Variants in MBD5 observed in about 807,000 individuals in gnomAD.
MBD5 encodes methyl-CpG-binding domain protein 5.
Under a neutral mutation model 117.3 loss-of-function variants are expected in MBD5, and 13 were observed. The ratio of observed to expected loss-of-function variants is 0.11; its 90% confidence interval spans 0.07 to 0.18. The LOEUF is 0.18. MBD5 is among the 10% of genes least tolerant of loss of function. The pLI, the probability that MBD5 is intolerant of heterozygous loss-of-function variation, is 1.00. For synonymous variants in MBD5, 727 were observed against 766.4 expected, an observed-to-expected ratio of 0.95 and a Z score of 0.85; for missense variants, 1,879 against 2,093.8, an observed-to-expected ratio of 0.90 and a Z score of 2.00.
At chr2:148,287,150 G>T (rs1243011450) in intron 3 of MBD5, among the ~76,000 whole-genome samples, 2 of 151,928 alleles carry the variant, frequency 1.3e-5, no homozygotes, top group African/African-American at 4.8e-5. Context: ...CATGATCCTT[G>T]CTTATTTTCT....
chr2:148,507,586 C>G, intron 12 of MBD5, among the ~76,000 whole-genome samples: 1 of 150,592 alleles, frequency 6.6e-6, no homozygotes, highest in Non-Finnish European at 1.5e-5. Context: ...GGTGAAACCC[C>G]GTCTCTACTA....
At chr2:148,049,114 C>T (rs1694622864) in intron 1 of MBD5, among the ~76,000 whole-genome samples, 1 of 152,146 alleles carries the variant, frequency 6.6e-6, no homozygotes, top group South Asian at 2.1e-4. Flanking sequence ...CTGGGAGTTT[C>T]TGGTAACATG....
chr2:148,258,373 C>G (rs1174725948), intron 3 of MBD5, among the ~76,000 whole-genome samples: 1 of 152,120 alleles, frequency 6.6e-6, no homozygotes, highest in Non-Finnish European at 1.5e-5. Flanking sequence ...TCAATGTAAG[C>G]AGGTTTGCCC....
chr2:148,274,703 T>A (rs575694162), intron 3 of MBD5, among the ~76,000 whole-genome samples: 1 of 149,326 alleles, frequency 6.7e-6, no homozygotes, highest in Admixed American at 6.9e-5. Flanking sequence ...CTTTTACACT[T>A]AAAAATTAAT....
At chr2:148,511,403 G>A (rs865911891) in intron 13 of MBD5, among the ~76,000 whole-genome samples, 1 of 152,204 alleles carries the variant, frequency 6.6e-6, no homozygotes, top group African/African-American at 2.4e-5. Flanking sequence ...ATTTGGTCCT[G>A]GTGGAAATCA....
chr2:148,153,325 G>C (rs1387249832), intron 1 of MBD5, among the ~76,000 whole-genome samples: 2 of 152,052 alleles, frequency 1.3e-5, no homozygotes, highest in Non-Finnish European at 2.9e-5. Context: ...AGTCTGATGG[G>C]CTTCCCTTTG....
At chr2:148,304,390 C>G (rs1406442801) in intron 3 of MBD5, among the ~76,000 whole-genome samples, 2 of 152,118 alleles carry the variant, frequency 1.3e-5, no homozygotes, top group Non-Finnish European at 2.9e-5. Flanking sequence ...CAGTACTTAA[C>G]CAGCAGCAAA....
At chr2:148,033,726 A>G (rs1330374962) in intron 1 of MBD5, among the ~76,000 whole-genome samples, 2 of 152,214 alleles carry the variant, frequency 1.3e-5, no homozygotes, top group African/African-American at 4.8e-5. Flanking sequence ...AATTCTGCCA[A>G]TGCTTGAAGT....
chr2:148,402,516 C>A (rs1704954773), intron 4 of MBD5, among the ~76,000 whole-genome samples: 1 of 152,124 alleles, frequency 6.6e-6, no homozygotes, highest in African/African-American at 2.4e-5. Context: ...TAATTCCTCC[C>A]TCCTACTTCT....
intron 1 of MBD5, among the ~76,000 whole-genome samples, chr2:148,148,179 T>A (rs1697519267): frequency 1.3e-5 from 2 of 152,166 alleles, no homozygotes; most frequent in Admixed American, 6.5e-5. Flanking sequence ...TGAAGCCATG[T>A]CCTGAAAATG....
Position 148,463,850 on chromosome 2 carries a change from G to A in MBD5, c.328G>A (p.Ala110Thr), listed in dbSNP as rs1265044011. The A allele has an allele frequency of 5.0e-6, 8 of 1,613,718 alleles. No individual in the cohort carries two copies. The South Asian group carries it at 6.6e-5, about 13-fold the overall frequency. Residue 110 changes from alanine to threonine, a missense_variant, in exon 7 of 14, where the codon GCC (alanine) becomes ACC (threonine). By Grantham distance (58) the Ala-to-Thr change is moderately conservative. Coordinates refer to ENST00000642680, the MANE Select transcript of MBD5 (RefSeq NM_001378120.1). ...ACATAAAAGAAAAATTATTGCAGTG[G>A]CCACACTTCATAAAAGCATGGAAGC... Reference protein sequence around the residue: ...CIHKRKIIAVATLHKSMEAPH... With the variant: ...CIHKRKIIAVTTLHKSMEAPH...
intron 1 of MBD5, among the ~76,000 whole-genome samples, chr2:148,037,533 TAG>T (rs1013620730): frequency 2.3e-4 from 35 of 151,906 alleles, no homozygotes; most frequent in African/African-American, 8.2e-4. Context: ...ATGAGACAGT[TAG>T]AGACATCTTA....
At chr2:148,230,420 G>A (rs1699955245) in intron 2 of MBD5, among the ~76,000 whole-genome samples, 1 of 152,084 alleles carries the variant, frequency 6.6e-6, no homozygotes, top group South Asian at 2.1e-4. Flanking sequence ...ATGCTGCCTG[G>A]CCTAATACTC....
intron 1 of MBD5, among the ~76,000 whole-genome samples, chr2:148,067,224 C>T (rs919017240): frequency 6.6e-6 from 1 of 152,142 alleles, no homozygotes; most frequent in Non-Finnish European, 1.5e-5. Flanking sequence ...CACTCTGAAC[C>T]ACACGCTATA....
chr2:148,334,499 C>T (rs958646942), intron 3 of MBD5, among the ~76,000 whole-genome samples: 1 of 151,798 alleles, frequency 6.6e-6, no homozygotes, highest in Non-Finnish European at 1.5e-5. Flanking sequence ...AGCCTGACTC[C>T]TTTTTTTAAT....
chr2:148,447,844 C>T (rs992364035), intron 4 of MBD5: 19 of 152,120 alleles, frequency 1.2e-4, no homozygotes, highest in African/African-American at 4.6e-4. Context: ...CCAAACACTT[C>T]TGTAGGTAGG....
At chr2:148,194,950 G>A (rs1266221729) in intron 2 of MBD5, among the ~76,000 whole-genome samples, 3 of 151,904 alleles carry the variant, frequency 2.0e-5, no homozygotes, top group Admixed American at 2.0e-4. Flanking sequence ...ACAACTCCAG[G>A]GGTTGGCAAA....
At chr2:148,128,549 CA>C (rs1434988741) in intron 1 of MBD5, among the ~76,000 whole-genome samples, 2 of 152,046 alleles carry the variant, frequency 1.3e-5, no homozygotes, top group Non-Finnish European at 2.9e-5. Flanking sequence ...CTGTAAATGA[CA>C]GCACAAAAAA....
At chr2:148,413,752 G>C (rs1705337736) in intron 4 of MBD5, among the ~76,000 whole-genome samples, 1 of 151,760 alleles carries the variant, frequency 6.6e-6, no homozygotes, top group Admixed American at 6.6e-5. Context: ...TTCTAGTTAT[G>C]TGCATAGAGA....
Sources: allele counts gnomAD v4.1 joint callset (sites outside exome capture counted in the v4.1 genomes callset), GRCh38; gene constraint gnomAD v4.1.1; transcripts MANE v1.5; gene names NCBI Gene and HGNC (gene_info 2026-07-23, HGNC 2026-07-21).